Variants in ODF2 observed in about 807,000 individuals in gnomAD.
ODF2 encodes the protein outer dense fiber protein 2.
ODF2 carries 47 observed loss-of-function variants against 110.2 expected under a neutral mutation model. The ratio of observed to expected loss-of-function variants is 0.43; its 90% CI spans 0.34 to 0.54. The LOEUF is 0.54. Among genes scored for constraint, ODF2 ranks in the 20% least tolerant of loss-of-function variants. The pLI is 0.03. For synonymous variants in ODF2, 352 were observed against 397.7 expected (o/e 0.89, Z 1.37); for missense variants, 812 against 1,054.5 (o/e 0.77, Z 3.19).
At chr9:128,477,667 G>A (rs898077951) in intron 8 of ODF2, among the ~76,000 whole-genome samples, 2 of 151,002 alleles carry the variant, frequency 1.3e-5, no homozygotes, top group East Asian at 2.0e-4. Flanking sequence ...GTGCAGTGGC[G>A]CAATCTCAGC....
At chr9:128,478,155 C>A (rs764634385) in intron 8 of ODF2, among the ~76,000 whole-genome samples, 5 of 152,160 alleles carry the variant, frequency 3.3e-5, no homozygotes, top group Admixed American at 6.6e-5. Context: ...CATCACCACA[C>A]CTGGCTAATT....
chr9:128,456,863 C>A, intron 1 of ODF2: 1 of 1,300,434 alleles, frequency 7.7e-7, no homozygotes, highest in South Asian at 1.9e-5. Context: ...GCAACCTCCG[C>A]GCCTCCCTCC....
In ODF2 at chr9:128,485,555, G is replaced by A. The variant is rs977257566; in HGVS notation, c.1400+81G>A. Reference sequence around the variant, plus strand: ...GGTGGGAGGGGCCTAGTGGCTCAGGGAAGGCCACGTGGCTGCTGTTTGTAC... The same window carrying A: ...GGTGGGAGGGGCCTAGTGGCTCAGGAAAGGCCACGTGGCTGCTGTTTGTAC... On this transcript the variant is annotated intron_variant, in intron 13 of 20. Coordinates refer to ENST00000604420, the Ensembl canonical transcript of ODF2. This position sits in a 1 kb window ranked among gnomAD's most constrained non-coding sequence, Gnocchi z 5.0. 7 of 747,808 alleles carry A rather than the reference G, an allele frequency of 9.4e-6. No homozygotes were observed. The highest frequency in any genetic ancestry group is 1.7e-5 in the Non-Finnish European group (7 of 424,204). The allele number at this position is 747,808 out of a possible 1,614,324, so 46.3% of individuals were successfully genotyped here.
intron 1 of ODF2, chr9:128,456,998 C>A (rs973521242): frequency 9.6e-6 from 12 of 1,254,478 alleles, no homozygotes; most frequent in Non-Finnish European, 1.2e-5. Flanking sequence ...CTCTGGGGCC[C>A]ACTTGGGGCC....
intron 11 of ODF2, 104 bp downstream of exon 11, chr9:128,484,158 G>T: frequency 1.2e-6 from 1 of 821,952 alleles, no homozygotes; most frequent in South Asian, 1.4e-5. Context: ...GCCTCCAAAG[G>T]TTTCTGAGGC....
chr9:128,463,201 G>T (rs541419913), intron 4 of ODF2, among the ~76,000 whole-genome samples: 3 of 152,186 alleles, frequency 2.0e-5, no homozygotes, highest in African/African-American at 7.2e-5. Context: ...GGTTAAGGCT[G>T]CAGTGAGCCA....
At chr9:128,478,870 G>A (rs1360530579) in intron 8 of ODF2, among the ~76,000 whole-genome samples, 1 of 152,126 alleles carries the variant, frequency 6.6e-6, no homozygotes, top group Non-Finnish European at 1.5e-5. Flanking sequence ...CGGCTCCAGG[G>A]CCCAGTACTA....
intron 5 of ODF2, among the ~76,000 whole-genome samples, chr9:128,470,302 A>T (rs367959702): frequency 1.3e-5 from 2 of 151,402 alleles, no homozygotes; most frequent in East Asian, 3.9e-4. Context: ...AGGTCCAGGG[A>T]ACCTCCTGGA....
At chr9:128,459,652 G>A in exon 3 of ODF2, 1 of 1,611,984 alleles carries the variant, frequency 6.2e-7, no homozygotes, top group Non-Finnish European at 8.5e-7. Context: ...CAGTGTAACT[G>A]TGACGGTAGG....
At chr9:128,472,140 C>A (rs1191084743) in intron 6 of ODF2, among the ~76,000 whole-genome samples, 1 of 152,018 alleles carries the variant, frequency 6.6e-6, no homozygotes, top group African/African-American at 2.4e-5. Context: ...TTAAGCCGGG[C>A]GTCGCGGCGG....
chr9:128,474,299 C>G (rs547981358), intron 8 of ODF2, among the ~76,000 whole-genome samples: 1 of 152,110 alleles, frequency 6.6e-6, no homozygotes. Context: ...TCAAGACCAG[C>G]CTCGCCAACA....
intron 6 of ODF2, among the ~76,000 whole-genome samples, chr9:128,472,087 T>C (rs938743621): frequency 6.6e-6 from 1 of 152,094 alleles, no homozygotes; most frequent in African/African-American, 2.4e-5. Context: ...GAGACCAGCC[T>C]GGCCAACATG....
chr9:128,473,629 C>T (rs1304376183), exon 8 of ODF2: 16 of 1,613,442 alleles, frequency 9.9e-6, no homozygotes, highest in Admixed American at 3.3e-5. Context: ...ATGACCTGCA[C>T]GGACATCAAC....
rs763570959 is a variant in ODF2 at position 128,494,691 on chromosome 9, C to G, written c.1911+23C>G. ...CGGGTAAGGGACTGGCAGAAAGGGT[C>G]CCACGAACTGACCCGAGCAGGGGCC... On this transcript the variant is annotated intron_variant, in intron 17 of 20. Coordinates refer to ENST00000604420, the Ensembl canonical transcript of ODF2. The surrounding 1 kb of genome is among the most constrained non-coding windows in gnomAD (Gnocchi z 4.6). 1.9e-6 allele frequency: 3 copies of G among 1,614,188 alleles called. No individual in the cohort carries two copies. The highest frequency in any genetic ancestry group is 4.5e-5 in the East Asian group (2 of 44,882).
At chr9:128,500,778 T>C (rs984295064), downstream of ODF2, 1 of 152,966 alleles carries the variant, frequency 6.5e-6, no homozygotes, top group African/African-American at 2.4e-5. Flanking sequence ...CCAAGTTTCT[T>C]TGAGGCCACT....
intron 14 of ODF2, among the ~76,000 whole-genome samples, chr9:128,490,118 C>T (rs1288497618): frequency 6.6e-6 from 1 of 152,082 alleles, no homozygotes; most frequent in African/African-American, 2.4e-5. Context: ...TGCTTGAGGC[C>T]AGGACTTCTA....
downstream of ODF2, chr9:128,500,868 A>G (rs1169142860): frequency 6.6e-6 from 1 of 151,928 alleles, no homozygotes; most frequent in Non-Finnish European, 1.5e-5. Context: ...AATTTCATTG[A>G]TTTTTGTTTC....
At chr9:128,469,442 G>T in intron 5 of ODF2, 89 bp downstream of exon 5, 1 of 1,387,122 alleles carries the variant, frequency 7.2e-7, no homozygotes, top group South Asian at 1.2e-5. Flanking sequence ...CTCAGCCTGC[G>T]TCTGCAGGCC....
chr9:128,476,220 C>A (rs1841226412), intron 8 of ODF2, among the ~76,000 whole-genome samples: 1 of 152,090 alleles, frequency 6.6e-6, no homozygotes, highest in Non-Finnish European at 1.5e-5. Context: ...TTGTCTCCTG[C>A]TTGGTTCTAA....
Sources: gnomAD v4.1 joint callset for allele counts (sites outside exome capture counted in the v4.1 genomes callset) on GRCh38, gnomAD v4.1.1 for gene constraint, Gnocchi (gnomAD v3.1) non-coding constraint, MANE v1.5 for transcripts, NCBI Gene and HGNC (gene_info 2026-07-23, HGNC 2026-07-21) for gene names.